The following FGGY variants were observed in gnomAD, a reference collection of about 807,000 sequenced individuals.
FGGY encodes FGGY carbohydrate kinase domain containing.
In FGGY, 72 loss-of-function variants were observed where a neutral mutation model predicts 71.3. The observed-to-expected ratio is 1.01, with a 90% confidence interval of 0.84 to 1.23. The LOEUF (loss-of-function observed/expected upper bound fraction) is 1.23, where lower values mean the gene tolerates loss of function less well. FGGY is among the 50% of genes most tolerant of loss of function. FGGY has a pLI of 0.00. For synonymous variants in FGGY, 251 were observed against 250.3 expected (o/e 1.00, Z -0.02); for missense variants, 668 against 682.3 (o/e 0.98, Z 0.23).
chr1:59,534,631 T>G (rs556041505), intron 7 of FGGY, among the ~76,000 whole-genome samples: 7 of 152,298 alleles, frequency 4.6e-5, no homozygotes, highest in African/African-American at 1.7e-4. Context: ...ACAGCGGATC[T>G]CTTGGCAGAA....
chr1:59,693,884 A>G (rs1242777386), intron 14 of FGGY, among the ~76,000 whole-genome samples: 1 of 152,016 alleles, frequency 6.6e-6, no homozygotes, highest in Non-Finnish European at 1.5e-5. Context: ...GTGTATGCCT[A>G]TAGTCTCAGC....
At chr1:59,349,420 C>T (rs961392095) in intron 4 of FGGY, among the ~76,000 whole-genome samples, 7 of 152,126 alleles carry the variant, frequency 4.6e-5, no homozygotes, top group African/African-American at 1.7e-4. Flanking sequence ...AGTGTCAGGG[C>T]CTTCTAGAGC....
In FGGY at chr1:59,480,745, G is replaced by A. The variant is rs563931258; in HGVS notation, c.670+23669G>A. ...ACAGTTTAGTGCTGAGCAATATGAT[G>A]TGGGAAGAAGGTGCTGGAACACTGA... On this transcript the variant is annotated intron_variant, in intron 6 of 15. Transcript: ENST00000303721. Among the ~76,000 whole-genome samples, 3 of 152,272 alleles carry A rather than the reference G, an allele frequency of 2.0e-5. No homozygotes were observed. In the South Asian group the frequency reaches 6.2e-4, roughly 32 times the overall value.
At chr1:59,418,352 G>T (rs1217137581) in intron 5 of FGGY, among the ~76,000 whole-genome samples, 3 of 152,180 alleles carry the variant, frequency 2.0e-5, no homozygotes, top group Non-Finnish European at 4.4e-5. Flanking sequence ...ATTTAGAGAG[G>T]TTTATTTTGC....
chr1:59,477,728 G>A lies in FGGY; in HGVS notation c.670+20652G>A, dbSNP rs533287030. Among the ~76,000 whole-genome samples, 12 of 152,246 alleles carry A rather than the reference G, an allele frequency of 7.9e-5. No homozygotes were observed. The South Asian group carries it at 2.5e-3, about 32-fold the overall frequency. ...TCCCCCCACTGCCCTTACTTCAGAGGCTACTTAAGGGACCAGGTAATGATT... is the reference window on the plus strand; with the variant it reads ...TCCCCCCACTGCCCTTACTTCAGAGACTACTTAAGGGACCAGGTAATGATT... On this transcript the variant is annotated intron_variant, in intron 6 of 15. Transcript: ENST00000303721.
intron 13 of FGGY, among the ~76,000 whole-genome samples, chr1:59,668,104 A>G (rs2097341660): frequency 6.6e-6 from 1 of 152,192 alleles, no homozygotes; most frequent in Non-Finnish European, 1.5e-5. Context: ...GGAATCACAA[A>G]TAATGGGCTG....
chr1:59,351,484 T>C (rs1223654567), intron 4 of FGGY, among the ~76,000 whole-genome samples: 2 of 152,216 alleles, frequency 1.3e-5, no homozygotes, highest in Admixed American at 6.5e-5. Flanking sequence ...CTACGTCAAT[T>C]TTTGTGGTGA....
intron 14 of FGGY, among the ~76,000 whole-genome samples, chr1:59,732,318 G>C (rs2098042805): frequency 2.0e-5 from 3 of 152,166 alleles, no homozygotes; most frequent in Admixed American, 6.5e-5. Flanking sequence ...TTTGGCTACA[G>C]CTAAAATTAG....
rs147999582 is a variant in FGGY, at chr1:59,666,254, G to A, written c.1297-1029G>A. Among the ~76,000 whole-genome samples the A allele has an allele frequency of 1.1e-4, 17 of 152,148 alleles. 1 individual carries two copies. Among genetic ancestry groups the A allele is most frequent in the African/African-American group, 3.6e-4 (15 of 41,480 alleles). Reference sequence around the variant, plus strand: ...CACTTAGGACTGTGACATCTCCCCAGATTGCTCAATCTCTAAACATTTCAA... The same window carrying A: ...CACTTAGGACTGTGACATCTCCCCAAATTGCTCAATCTCTAAACATTTCAA... On this transcript the variant is annotated intron_variant, in intron 12 of 15. Coordinates refer to ENST00000303721, the MANE Select transcript of FGGY (RefSeq NM_018291.5).
At chr1:59,675,318 T>C (rs1208866697) in intron 14 of FGGY, among the ~76,000 whole-genome samples, 1 of 152,192 alleles carries the variant, frequency 6.6e-6, no homozygotes, top group African/African-American at 2.4e-5. Context: ...TAGGTGCTTT[T>C]TGTATAATCT....
intron 7 of FGGY, among the ~76,000 whole-genome samples, chr1:59,540,713 G>A (rs978306578): frequency 3.9e-5 from 6 of 152,152 alleles, no homozygotes; most frequent in African/African-American, 1.2e-4. Flanking sequence ...GCTCTGGGCC[G>A]CCCTGTGCTA....
At chr1:59,297,283 C>T (rs3738172) in intron 1 of FGGY, 133 bp downstream of exon 1, 28,368 of 152,300 alleles carry the variant, frequency 0.19, 3,231 homozygotes, top group East Asian at 0.4. Context: ...GTATTCAGTA[C>T]TCTTTCTCTC....
intron 14 of FGGY, among the ~76,000 whole-genome samples, chr1:59,723,477 T>G (rs1317260680): frequency 6.6e-6 from 1 of 151,722 alleles, no homozygotes; most frequent in Non-Finnish European, 1.5e-5. Flanking sequence ...ACCAGAATTG[T>G]TAACTCATAC....
chr1:59,563,229 G>A lies in FGGY; in HGVS notation c.903+9002G>A, dbSNP rs145668736. 3.1e-3 allele frequency among the ~76,000 whole-genome samples: 469 copies of A among 152,230 alleles called. 2 individuals carry two copies. Among genetic ancestry groups the A allele is most frequent in the African/African-American group, 0.011 (445 of 41,540 alleles). On this transcript the variant is annotated intron_variant, in intron 8 of 15. Coordinates refer to ENST00000303721, the MANE Select transcript of FGGY (RefSeq NM_018291.5). ...GCCCACTCACTATGATATTGGCTGC[G>A]GGTTTGTCATAAATAGCTCTTCTTG...
At chr1:59,753,807 A>G (rs1471871728) in intron 14 of FGGY, among the ~76,000 whole-genome samples, 2 of 152,106 alleles carry the variant, frequency 1.3e-5, no homozygotes, top group Non-Finnish European at 2.9e-5. Context: ...TTCTATTCTC[A>G]TTATCCCTTT....
At chr1:59,443,546 A>G (rs368941217) in intron 5 of FGGY, among the ~76,000 whole-genome samples, 3 of 152,310 alleles carry the variant, frequency 2.0e-5, no homozygotes, top group African/African-American at 7.2e-5. Context: ...CACACTTTAG[A>G]TAACTTTGGG....
rs576591183 is a variant in FGGY, at chr1:59,489,126, TA to T, written c.671-23184del. Among the ~76,000 whole-genome samples the T allele has an allele frequency of 2.4e-4, 36 of 152,270 alleles. 1 individual carries two copies. Among genetic ancestry groups the T allele is most frequent in the African/African-American group, 8.4e-4 (35 of 41,576 alleles). On this transcript the variant is annotated intron_variant, in intron 6 of 15. Transcript: ENST00000303721. ...TTTTAATTGACGTTTTATACATATT[TA>T]GGGGGTACATAGTGATGTCACAGTA...
chr1:59,483,584 G>A (rs1484253445), intron 6 of FGGY, among the ~76,000 whole-genome samples: 1 of 152,102 alleles, frequency 6.6e-6, no homozygotes, highest in Non-Finnish European at 1.5e-5. Flanking sequence ...GTTCGATTCT[G>A]TTCTTAGCTT....
At chr1:59,527,237 G>A (rs1002939522) in intron 7 of FGGY, among the ~76,000 whole-genome samples, 3 of 152,216 alleles carry the variant, frequency 2.0e-5, no homozygotes, top group Non-Finnish European at 2.9e-5. Context: ...GCTTACTTAA[G>A]TGAAATTAAG....
Sources: gnomAD v4.1 joint callset for allele counts (sites outside exome capture counted in the v4.1 genomes callset) on GRCh38, gnomAD v4.1.1 for gene constraint, MANE v1.5 for transcripts, NCBI Gene and HGNC (gene_info 2026-07-23, HGNC 2026-07-21) for gene names.